RAD51B: variants seen among roughly 807,000 people sequenced by gnomAD.
The protein encoded by RAD51B is RAD51 paralog B, also known as DNA repair protein RAD51 homolog 2.
Under a neutral mutation model 42.2 loss-of-function variants are expected in RAD51B, and 38 were observed. The ratio of observed to expected loss-of-function variants is 0.90; its 90% CI spans 0.70 to 1.18. The LOEUF (loss-of-function observed/expected upper bound fraction) is 1.18. Ranked by LOEUF, RAD51B falls within the 50% of genes most tolerant of loss-of-function variation. The pLI is 0.00. For synonymous variants in RAD51B, 154 were observed against 145.2 expected (o/e 1.06, Z -0.43); for missense variants, 373 against 400.7 (o/e 0.93, Z 0.59).
rs530937000 is a variant in RAD51B, at chr14:68,568,984, G to A, written c.1037-25501G>A. Among the ~76,000 whole-genome samples the A allele has an allele frequency of 3.1e-3, 478 of 152,290 alleles. 2 individuals are homozygous for A. The highest frequency in any genetic ancestry group is 5.7e-3 in the Non-Finnish European group (386 of 68,028). ...ACCATATTGGAATTTAGATGTGGCT[G>A]GGCTTCCACAATGCATGGTCCAATC... On this transcript the variant is annotated intron_variant, in intron 10 of 10. Transcript: ENST00000487270.
chr14:68,309,114 A>G (rs1314099352), intron 8 of RAD51B, among the ~76,000 whole-genome samples: 2 of 152,178 alleles, frequency 1.3e-5, no homozygotes, highest in East Asian at 1.9e-4. Flanking sequence ...TCTCTTAGAA[A>G]TGTTAGCAGA....
chr14:68,230,943 T>G (rs1221428593), intron 7 of RAD51B, among the ~76,000 whole-genome samples: 1 of 152,148 alleles, frequency 6.6e-6, no homozygotes, highest in East Asian at 1.9e-4. Context: ...GTCATTGGAG[T>G]TAAACTGTCA....
At chr14:68,173,103 T>G (rs1009198662) in intron 7 of RAD51B, among the ~76,000 whole-genome samples, 2 of 152,206 alleles carry the variant, frequency 1.3e-5, no homozygotes, top group Non-Finnish European at 2.9e-5. Context: ...GAAGTAGAAC[T>G]CAGAGAAGTT....
At chr14:68,437,590 C>G (rs1193600852) in intron 9 of RAD51B, among the ~76,000 whole-genome samples, 2 of 152,198 alleles carry the variant, frequency 1.3e-5, no homozygotes, top group African/African-American at 2.4e-5. Context: ...CCCTTTCCCT[C>G]CATTCCTGCC....
At chr14:68,238,397 C>G (rs1231780860) in intron 7 of RAD51B, among the ~76,000 whole-genome samples, 2 of 151,920 alleles carry the variant, frequency 1.3e-5, no homozygotes, top group Non-Finnish European at 2.9e-5. Context: ...AACTTCTGGG[C>G]TCAAGCAGTT....
intron 10 of RAD51B, among the ~76,000 whole-genome samples, chr14:68,647,925 G>T (rs868620262): frequency 6.6e-6 from 1 of 150,688 alleles, no homozygotes; most frequent in African/African-American, 2.4e-5. Flanking sequence ...GGATCCACCC[G>T]CCTTGGCCTC....
At chr14:68,523,264 A>T (rs1009107828) in intron 10 of RAD51B, among the ~76,000 whole-genome samples, 2 of 152,212 alleles carry the variant, frequency 1.3e-5, no homozygotes, top group African/African-American at 4.8e-5. Flanking sequence ...TGGGATGGGA[A>T]GCCTGAGGGC....
chr14:68,403,056 AGGACAAGAGATAT>A (rs983543448), intron 8 of RAD51B, among the ~76,000 whole-genome samples: 3 of 152,236 alleles, frequency 2.0e-5, no homozygotes, highest in African/African-American at 4.8e-5. Flanking sequence ...TCAGGACGTG[AGGACAAGAGATAT>A]GAACGAGAAT....
chr14:68,305,138 C>A (rs1290778566), intron 8 of RAD51B, among the ~76,000 whole-genome samples: 1 of 152,174 alleles, frequency 6.6e-6, no homozygotes, highest in Non-Finnish European at 1.5e-5. Flanking sequence ...GATGTATTCC[C>A]ACCACTTGGT....
At chr14:68,438,739 A>G (rs140413438) in intron 9 of RAD51B, among the ~76,000 whole-genome samples, 12 of 152,268 alleles carry the variant, frequency 7.9e-5, no homozygotes, top group Non-Finnish European at 1.3e-4. Context: ...AAAAGTTAAG[A>G]GACGCCTTCT....
At chr14:67,832,536 C>G (rs922036908) in intron 3 of RAD51B, among the ~76,000 whole-genome samples, 1 of 151,968 alleles carries the variant, frequency 6.6e-6, no homozygotes, top group Non-Finnish European at 1.5e-5. Flanking sequence ...TCTTGTTTGT[C>G]CCCTTGCAGT....
chr14:68,372,785 T>C (rs547705197), intron 8 of RAD51B, among the ~76,000 whole-genome samples: 12 of 152,216 alleles, frequency 7.9e-5, no homozygotes, highest in Non-Finnish European at 1.5e-4. Context: ...ATATCAGATT[T>C]TCAATTAACC....
At chr14:68,198,988 G>C (rs1473470351) in intron 7 of RAD51B, among the ~76,000 whole-genome samples, 1 of 152,150 alleles carries the variant, frequency 6.6e-6, no homozygotes, top group Non-Finnish European at 1.5e-5. Context: ...TGGAGTCATG[G>C]AGATGAGTTT....
intron 9 of RAD51B, 109 bp downstream of exon 9, chr14:68,411,636 C>A: frequency 9.9e-7 from 1 of 1,009,120 alleles, no homozygotes; most frequent in South Asian, 1.4e-5. Flanking sequence ...CCTGAGCCAG[C>A]AGCAGCTATT....
chr14:67,844,325 C>G (rs1712644307), intron 4 of RAD51B, among the ~76,000 whole-genome samples: 1 of 151,260 alleles, frequency 6.6e-6, no homozygotes, highest in East Asian at 1.9e-4. Flanking sequence ...AATGTATATT[C>G]TGCTGTTTTT....
At chr14:68,172,420 A>G (rs2078891218) in intron 7 of RAD51B, among the ~76,000 whole-genome samples, 1 of 152,164 alleles carries the variant, frequency 6.6e-6, no homozygotes, top group African/African-American at 2.4e-5. Context: ...TCTATTTTCT[A>G]ATTTGGAGAA....
rs71129897 is a variant in RAD51B at position 68,549,409 on chromosome 14, A to ATT, written c.1037-45053_1037-45052dup. Among the ~76,000 whole-genome samples the ATT allele has an allele frequency of 8.7e-4, 55 of 63,558 alleles. 2 individuals are homozygous for ATT. The highest frequency in any genetic ancestry group is 1.5e-3 in the African/African-American group (31 of 20,788). The allele number at this position is 63,558 out of a possible 152,430, so 41.7% of individuals were successfully genotyped here. Reference sequence around the variant, plus strand: ...AGTGCTTCATCCATGCCCTGGACACATTTTTTTTTTTTTTTTTTTTTTTTG... The same window carrying ATT: ...AGTGCTTCATCCATGCCCTGGACACATTTTTTTTTTTTTTTTTTTTTTTTTTG... On this transcript the variant is annotated intron_variant, in intron 10 of 10. Coordinates refer to the RAD51B transcript ENST00000487270.
intron 11 of RAD51B, among the ~76,000 whole-genome samples, chr14:68,669,469 A>G (rs751131183): frequency 5.9e-5 from 9 of 152,138 alleles, no homozygotes; most frequent in Non-Finnish European, 1.2e-4. Flanking sequence ...GGACTTTTGG[A>G]TGAGAAACAG....
At position 68,643,578 on chromosome 14, in the gene RAD51B, A is replaced by C. The variant is rs1384762230; in HGVS notation, c.1037-7203A>C. Among the ~76,000 whole-genome samples the C allele has an allele frequency of 3.3e-5, 5 of 152,186 alleles. No individual in the cohort carries two copies. The East Asian group carries it at 9.6e-4, about 29-fold the overall frequency. ...TACTCCTTATTTCAGAGGGGAGAAA[A>C]GAGCAGTCATAGATCCAAGATAAAA... On this transcript the variant is annotated intron_variant, in intron 10 of 11. Transcript: ENST00000488612.
Sources: allele counts gnomAD v4.1 joint callset (sites outside exome capture counted in the v4.1 genomes callset), GRCh38; gene constraint gnomAD v4.1.1; transcripts MANE v1.5; gene names NCBI Gene and HGNC (gene_info 2026-07-23, HGNC 2026-07-21).